Variants in ZFYVE9 observed in about 807,000 individuals in gnomAD.
The protein encoded by ZFYVE9 is zinc finger FYVE-type containing 9.
ZFYVE9 carries 43 observed loss-of-function variants against 126.7 expected under a neutral mutation model. The observed-to-expected ratio is 0.34, with a 90% CI of 0.27 to 0.44. ZFYVE9 has a LOEUF of 0.44. Among genes scored for constraint, ZFYVE9 ranks in the 20% least tolerant of loss-of-function variants. The pLI is 1.00. For missense variants in ZFYVE9, 1,476 were observed against 1,697.0 expected (o/e 0.87, Z 2.29); for synonymous variants, 521 against 597.4 (o/e 0.87, Z 1.87).
intron 7 of ZFYVE9, among the ~76,000 whole-genome samples, chr1:52,270,832 A>G (rs531538185): frequency 4.0e-5 from 6 of 150,582 alleles, no homozygotes; most frequent in Non-Finnish European, 7.4e-5. Context: ...CAGATTAAAC[A>G]TTTTTTGGCA....
intron 15 of ZFYVE9, among the ~76,000 whole-genome samples, chr1:52,336,945 CT>C (rs1328938587): frequency 8.6e-5 from 3 of 34,796 alleles, no homozygotes; most frequent in Non-Finnish European, 1.9e-4. Flanking sequence ...GCAGTCATCT[CT>C]TAAAAAAAAA....
chr1:52,234,230 A>C (rs548490697), intron 3 of ZFYVE9, among the ~76,000 whole-genome samples: 1 of 152,174 alleles, frequency 6.6e-6, no homozygotes, highest in Non-Finnish European at 1.5e-5. Context: ...CAAGTTTACA[A>C]AGTGGTATAT....
At chr1:52,219,803 G>GTGTGTGTGTGTGTGTGT (rs1557463701) in intron 2 of ZFYVE9, among the ~76,000 whole-genome samples, 1 of 137,304 alleles carries the variant, frequency 7.3e-6, no homozygotes, top group East Asian at 2.2e-4. Flanking sequence ...GTGTGTGTGT[G>GTGTGTGTGTGTGTGTGT]GCAGAGTCTT....
intron 10 of ZFYVE9, among the ~76,000 whole-genome samples, chr1:52,282,246 T>C (rs769831463): frequency 2.0e-5 from 3 of 151,594 alleles, no homozygotes; most frequent in Non-Finnish European, 2.9e-5. Flanking sequence ...TTGTAAATAT[T>C]AACTGTAACA....
At chr1:52,251,616 T>A (rs1259057518) in intron 4 of ZFYVE9, among the ~76,000 whole-genome samples, 1 of 150,270 alleles carries the variant, frequency 6.7e-6, no homozygotes, top group East Asian at 1.9e-4. Context: ...TTTCTTGAGT[T>A]TTGTATCAGT....
chr1:52,309,072 T>C (rs370953349), intron 13 of ZFYVE9, among the ~76,000 whole-genome samples: 5 of 152,240 alleles, frequency 3.3e-5, no homozygotes, highest in African/African-American at 1.2e-4. Flanking sequence ...TTATTGACCC[T>C]GAATCCCTAA....
In ZFYVE9 at chr1:52,233,161, T is replaced by C. The variant is rs757236123; in HGVS notation, c.-36-10T>C. Reference sequence around the variant, plus strand: ...AATAATTCAAAATGTAATACGCATTTACTTTTTAGGTTTAAACAAGTCTCT... The same window carrying C: ...AATAATTCAAAATGTAATACGCATTCACTTTTTAGGTTTAAACAAGTCTCT... On this transcript the variant is annotated splice_polypyrimidine_tract_variant and intron_variant, in intron 2 of 18. Transcript: ENST00000287727. The C allele has an allele frequency of 1.5e-6, 2 of 1,324,782 alleles. No homozygotes were observed. The highest frequency in any genetic ancestry group is 2.0e-6 in the Non-Finnish European group (2 of 977,864). The allele number at this position is 1,324,782 out of a possible 1,614,324, so 82.1% of individuals were successfully genotyped here. A position where few individuals can be genotyped will look rare whatever the true frequency, so the allele number is the denominator to read the frequency against.
intron 14 of ZFYVE9, among the ~76,000 whole-genome samples, chr1:52,333,713 T>C (rs1031438916): frequency 7.3e-5 from 11 of 151,558 alleles, no homozygotes; most frequent in Non-Finnish European, 1.6e-4. Flanking sequence ...CCCAGCACTT[T>C]GGGAGGCCAA....
chr1:52,295,697 G>GTTTCA (rs1247527193), intron 11 of ZFYVE9, among the ~76,000 whole-genome samples, 198 bp from the exon 12 acceptor site: 1 of 152,090 alleles, frequency 6.6e-6, no homozygotes, highest in Non-Finnish European at 1.5e-5. Flanking sequence ...TACATCGAAA[G>GTTTCA]GCTTATTCTG....
intron 1 of ZFYVE9, among the ~76,000 whole-genome samples, chr1:52,148,813 T>G (rs1644327730): frequency 6.6e-6 from 1 of 151,712 alleles, no homozygotes; most frequent in Non-Finnish European, 1.5e-5. Flanking sequence ...GGATAAGTTT[T>G]GTAATTTTAG....
At chr1:52,297,688 A>G (rs201840965) in intron 12 of ZFYVE9, among the ~76,000 whole-genome samples, 3 of 149,636 alleles carry the variant, frequency 2.0e-5, no homozygotes, top group East Asian at 3.9e-4. Flanking sequence ...CTATATTTCC[A>G]GTTATCTTTT....
chr1:52,227,997 G>T (rs1159087193), intron 2 of ZFYVE9, among the ~76,000 whole-genome samples: 1 of 151,702 alleles, frequency 6.6e-6, no homozygotes, highest in Non-Finnish European at 1.5e-5. Flanking sequence ...TTTCCTTCTA[G>T]GTTTATGGCA....
intron 1 of ZFYVE9, among the ~76,000 whole-genome samples, chr1:52,167,993 G>A (rs1227648319): frequency 6.6e-6 from 1 of 152,224 alleles, no homozygotes; most frequent in East Asian, 1.9e-4. Flanking sequence ...GAAGTAAGTT[G>A]CATTATAGTA....
At chr1:52,221,204 C>T (rs1645121528) in intron 2 of ZFYVE9, among the ~76,000 whole-genome samples, 1 of 152,190 alleles carries the variant, frequency 6.6e-6, no homozygotes, top group Non-Finnish European at 1.5e-5. Context: ...CCTGACTCTA[C>T]CTCTGTGAGG....
chr1:52,309,200 G>A (rs1348196849), intron 13 of ZFYVE9, among the ~76,000 whole-genome samples: 1 of 152,180 alleles, frequency 6.6e-6, no homozygotes, highest in Non-Finnish European at 1.5e-5. Context: ...AAGGGCAGAC[G>A]GCATGGTGAC....
chr1:52,232,897 T>A (rs1266597510), intron 2 of ZFYVE9, among the ~76,000 whole-genome samples: 1 of 152,074 alleles, frequency 6.6e-6, no homozygotes, highest in Admixed American at 6.6e-5. Flanking sequence ...TACCAAACAA[T>A]GATTCCTTTC....
At position 52,233,290 on chromosome 1, in the gene ZFYVE9, T is replaced by C. The variant is rs1645241553; in HGVS notation, c.70+14T>C. 3.2e-6 allele frequency: 5 copies of C among 1,562,112 alleles called. No individual in the cohort carries two copies. Among genetic ancestry groups the C allele is most frequent in the African/African-American group, 1.4e-5 (1 of 74,016 alleles). ...AACAAAACGAAGGTGAGAATTTATA[T>C]TGGTGAATCTGTTTGCCTATGTGGT... On this transcript the variant is annotated intron_variant, in intron 3 of 18. Transcript: ENST00000287727.
At chr1:52,186,217 G>A (rs1434500155) in intron 1 of ZFYVE9, among the ~76,000 whole-genome samples, 1 of 150,064 alleles carries the variant, frequency 6.7e-6, no homozygotes, top group East Asian at 1.9e-4. Context: ...TCCAGCCTGG[G>A]TGACAGAGCG....
At chr1:52,177,814 T>G (rs1644652078) in intron 1 of ZFYVE9, among the ~76,000 whole-genome samples, 1 of 152,138 alleles carries the variant, frequency 6.6e-6, no homozygotes, top group Non-Finnish European at 1.5e-5. Flanking sequence ...TGCTATCTAA[T>G]TGGGGAACTG....
Sources: allele counts gnomAD v4.1 joint callset (sites outside exome capture counted in the v4.1 genomes callset), GRCh38; gene constraint gnomAD v4.1.1; transcripts MANE v1.5; gene names NCBI Gene and HGNC (gene_info 2026-07-23, HGNC 2026-07-21).